SMCHD1: variants seen among roughly 807,000 people sequenced by gnomAD.
SMCHD1 encodes the protein structural maintenance of chromosomes flexible hinge domain containing 1.
In SMCHD1, 78 loss-of-function variants were observed where a neutral mutation model predicts 254.7. The ratio of observed to expected loss-of-function variants is 0.31; its 90% confidence interval spans 0.26 to 0.37. SMCHD1 has a LOEUF of 0.37. Ranked by LOEUF, SMCHD1 falls within the 10% of genes least tolerant of loss-of-function variation. The probability of loss-of-function intolerance (pLI) is 1.00; values close to 1 mark genes in which losing one functional copy is unlikely to be tolerated. For missense variants in SMCHD1, 1,840 were observed against 2,408.1 expected (o/e 0.76, Z 4.94); for synonymous variants, 766 against 794.9 (o/e 0.96, Z 0.61).
At chr18:2,792,827 A>G (rs556574466) in intron 45 of SMCHD1, among the ~76,000 whole-genome samples, 85 of 152,250 alleles carry the variant, frequency 5.6e-4, no homozygotes, top group African/African-American at 2.0e-3. Flanking sequence ...TTTCAGGGAA[A>G]GGGTGTTTTG....
chr18:2,693,619 GT>G (rs140414533), intron 7 of SMCHD1, among the ~76,000 whole-genome samples: 1 of 142,686 alleles, frequency 7.0e-6, no homozygotes, highest in African/African-American at 2.8e-5. Flanking sequence ...TGCATACCAT[GT>G]TTTTTGTTTG....
rs368087638 is a variant in SMCHD1 at position 2,728,482 on chromosome 18, A to G, written c.2799A>G (p.Lys933=). 4 of 1,612,910 alleles carry G rather than the reference A, an allele frequency of 2.5e-6. No individual in the cohort carries two copies. Among genetic ancestry groups the G allele is most frequent in the Non-Finnish European group, 3.4e-6 (4 of 1,179,446 alleles). Residue 933 remains lysine, a synonymous_variant, in exon 23 of 48, where the codon AAA becomes AAG. Transcript: ENST00000320876. ...LPGHPRRLKV[K]PDSEILVIEN... ...GTCACCCTCGTCGACTGAAAGTGAA[A>G]CCTGATTCTGAAATTTTAGTTATAG...
chr18:2,702,888 CCT>C (rs1363544644), intron 12 of SMCHD1, among the ~76,000 whole-genome samples: 1 of 152,082 alleles, frequency 6.6e-6, no homozygotes, highest in Non-Finnish European at 1.5e-5. Flanking sequence ...TACAGACTGT[CCT>C]CTGCGAAAGC....
intron 45 of SMCHD1, among the ~76,000 whole-genome samples, chr18:2,795,389 T>TGC (rs1254042622): frequency 1.3e-5 from 2 of 152,210 alleles, no homozygotes; most frequent in African/African-American, 4.8e-5. Flanking sequence ...ATAATAGTCA[T>TGC]GCTTTTTGGA....
chr18:2,769,391 C>T (rs1041532093), intron 37 of SMCHD1, among the ~76,000 whole-genome samples: 1 of 152,116 alleles, frequency 6.6e-6, no homozygotes, highest in Non-Finnish European at 1.5e-5. Context: ...TTTTAAGTGG[C>T]CATCTCTAAT....
At chr18:2,693,504 A>AT (rs1460839912) in intron 7 of SMCHD1, among the ~76,000 whole-genome samples, 6 of 152,226 alleles carry the variant, frequency 3.9e-5, no homozygotes, top group Non-Finnish European at 7.3e-5. Context: ...AGGTACACTA[A>AT]TTTTACAATA....
At chr18:2,742,088 A>G (rs146749073) in intron 28 of SMCHD1, among the ~76,000 whole-genome samples, 2 of 152,304 alleles carry the variant, frequency 1.3e-5, no homozygotes, top group East Asian at 3.9e-4. Context: ...GTCAATTTTC[A>G]GTTCTCATGC....
chr18:2,704,228 C>T (rs2074464221), intron 13 of SMCHD1, among the ~76,000 whole-genome samples: 1 of 152,028 alleles, frequency 6.6e-6, no homozygotes, highest in South Asian at 2.1e-4. Context: ...ATTTTAAATT[C>T]CATAATTTAT....
In SMCHD1 at chr18:2,743,816, G is replaced by C. The variant is rs748437378; in HGVS notation, c.3689G>C (p.Gly1230Ala). 1.9e-6 allele frequency: 3 copies of C among 1,613,192 alleles called. No individual in the cohort carries two copies. Among genetic ancestry groups the C allele is most frequent in the African/African-American group, 2.7e-5 (2 of 75,008 alleles). ...RGIKFIPGPP[G>A]NKDLCFTWRE... ...ATCAAATTTATTCCAGGTCCTCCTG[G>C]AAATAAGGATCTTTGTTTTACTTGG... is the stretch of plus-strand genomic sequence containing the variant. The change falls in exon 29 of 48, where the codon GGA becomes GCA. Residue 1230 changes from glycine (G) to alanine (A), a missense_variant. This residue lies in a region of SMCHD1 where 881 missense variants were observed against 1,009.5 expected (regional missense o/e 0.87). Coordinates refer to ENST00000320876, the MANE Select transcript of SMCHD1 (RefSeq NM_015295.3).
At position 2,694,977 on chromosome 18, in the gene SMCHD1, A is replaced by G. The variant is rs369756173; in HGVS notation, c.1040+284A>G. ...AACTTCACAGTTTGTCAGATTGAGC[A>G]CTATATCACTTCCATGACCCCGTTT... On this transcript the variant is annotated intron_variant, in intron 8 of 47. Coordinates refer to ENST00000320876, the MANE Select transcript of SMCHD1 (RefSeq NM_015295.3). 5.3e-5 allele frequency among the ~76,000 whole-genome samples: 8 copies of G among 152,324 alleles called. 1 individual carries two copies. The East Asian group carries it at 1.2e-3, about 22-fold the overall frequency.
chr18:2,802,634 G>T lies in SMCHD1; in HGVS notation c.*82G>T. The stretch of plus-strand genomic sequence containing the variant: ...CTCTGTTTCAGAAGACCAAGAGGGT[G>T]ACTTACCAGACTGAGTATTTCTGGG... On this transcript the variant is annotated 3_prime_UTR_variant, in exon 48 of 48. Coordinates refer to ENST00000320876, the MANE Select transcript of SMCHD1 (RefSeq NM_015295.3). The T allele has an allele frequency of 7.8e-7, 1 of 1,282,110 alleles. No individual in the cohort carries two copies. Among genetic ancestry groups the T allele is most frequent in the South Asian group, 1.5e-5 (1 of 68,152 alleles). 79.4% of individuals were successfully genotyped at this position (1,282,110 alleles called of 1,614,324 possible).
chr18:2,662,651 A>G (rs1298809294), intron 1 of SMCHD1, among the ~76,000 whole-genome samples: 3 of 150,394 alleles, frequency 2.0e-5, no homozygotes, highest in Non-Finnish European at 4.4e-5. Context: ...TCTCAACAAC[A>G]ATAACAACAA....
intron 7 of SMCHD1, among the ~76,000 whole-genome samples, chr18:2,690,685 T>C (rs1324135299): frequency 2.0e-5 from 3 of 150,800 alleles, no homozygotes; most frequent in African/African-American, 4.9e-5. Context: ...AGTTTCACCA[T>C]GTTGGCCAGA....
chr18:2,694,420 C>G, intron 7 of SMCHD1, 107 bp from the exon 8 acceptor site: 1 of 980,956 alleles, frequency 1.0e-6, no homozygotes, highest in Non-Finnish European at 1.5e-6. Context: ...TTTCTGAAAC[C>G]TATTTGTGAA....
At chr18:2,762,311 T>G (rs550562751) in intron 36 of SMCHD1, 75 bp downstream of exon 36, 17 of 1,420,716 alleles carry the variant, frequency 1.2e-5, no homozygotes, top group South Asian at 4.7e-5. Context: ...ACAAAATTAT[T>G]TGTATGGATT....
At chr18:2,664,662 G>A (rs62084178) in intron 1 of SMCHD1, among the ~76,000 whole-genome samples, 28,454 of 152,162 alleles carry the variant, frequency 0.19, 2,910 homozygotes, top group South Asian at 0.27. Flanking sequence ...CATTACACTG[G>A]GAGGCACGTG....
intron 42 of SMCHD1, among the ~76,000 whole-genome samples, chr18:2,776,921 G>C (rs2076075254): frequency 6.6e-6 from 1 of 152,000 alleles, no homozygotes; most frequent in Non-Finnish European, 1.5e-5. Context: ...TTAAGAGAAC[G>C]GTTTTCACTT....
chr18:2,711,510 T>G (rs1375052956), intron 17 of SMCHD1, among the ~76,000 whole-genome samples: 1 of 122,470 alleles, frequency 8.2e-6, no homozygotes, highest in African/African-American at 3.2e-5. Context: ...TGAGACGGAG[T>G]CTCGCTCTGT....
intron 44 of SMCHD1, among the ~76,000 whole-genome samples, chr18:2,782,604 G>C (rs918455708): frequency 3.2e-4 from 48 of 151,016 alleles, no homozygotes; most frequent in African/African-American, 1.1e-3. Context: ...AAGTAACCGG[G>C]CATGGTGGCC....
Sources: gnomAD v4.1 joint callset for allele counts (sites outside exome capture counted in the v4.1 genomes callset) on GRCh38, gnomAD v4.1.1 for gene constraint, gnomAD v4.1.1 regional missense constraint, MANE v1.5 for transcripts, NCBI Gene and HGNC (gene_info 2026-07-23, HGNC 2026-07-21) for gene names.